SORCS1: variants seen among roughly 807,000 people sequenced by gnomAD.
SORCS1 encodes the protein sortilin related VPS10 domain containing receptor 1.
In SORCS1, 60 loss-of-function variants were observed where a neutral mutation model predicts 146.1. The ratio of observed to expected loss-of-function variants is 0.41; its 90% CI spans 0.33 to 0.51. The LOEUF (loss-of-function observed/expected upper bound fraction) is 0.51. SORCS1 is among the 20% of genes least tolerant of loss of function. The probability of loss-of-function intolerance (pLI) is 0.21; values close to 1 mark genes in which losing one functional copy is unlikely to be tolerated. For missense variants in SORCS1, 1,352 were observed against 1,487.6 expected (o/e 0.91, Z 1.50); for synonymous variants, 637 against 584.0 (o/e 1.09, Z -1.31).
intron 23 of SORCS1, among the ~76,000 whole-genome samples, chr10:106,598,600 A>C (rs2133325117): frequency 6.6e-6 from 1 of 152,156 alleles, no homozygotes; most frequent in Non-Finnish European, 1.5e-5. Context: ...CCTTATTTTT[A>C]ATATTCTAAT....
intron 1 of SORCS1, among the ~76,000 whole-genome samples, chr10:107,117,252 C>A (rs1275652502): frequency 6.6e-6 from 1 of 152,154 alleles, no homozygotes; most frequent in Non-Finnish European, 1.5e-5. Context: ...AGAAAAGAAA[C>A]AAAAAGTAAT....
intron 4 of SORCS1, among the ~76,000 whole-genome samples, chr10:106,762,409 T>TC (rs1331592566): frequency 4.2e-5 from 6 of 144,360 alleles, no homozygotes; most frequent in Admixed American, 6.9e-5. Context: ...TTTTTTTTTT[T>TC]TGAGACAGAG....
At chr10:106,799,102 C>T (rs964553068) in intron 3 of SORCS1, among the ~76,000 whole-genome samples, 3 of 152,162 alleles carry the variant, frequency 2.0e-5, no homozygotes, top group Non-Finnish European at 4.4e-5. Flanking sequence ...TGATCTTTGA[C>T]AAACCTGACA....
chr10:107,038,014 A>G (rs1433447542), intron 1 of SORCS1, among the ~76,000 whole-genome samples: 1 of 151,946 alleles, frequency 6.6e-6, no homozygotes, highest in African/African-American at 2.4e-5. Context: ...TTTAGTAGAG[A>G]CAGGGTTTCA....
intron 1 of SORCS1, among the ~76,000 whole-genome samples, chr10:107,092,893 A>AC (rs1402934852): frequency 1.2e-3 from 184 of 151,598 alleles, no homozygotes; most frequent in African/African-American, 4.1e-3. Flanking sequence ...GAAAAAAAAA[A>AC]AAAAAAAAAA....
chr10:107,171,194 C>A, the SORCS1 span, among the ~76,000 whole-genome samples: 2 of 152,112 alleles, frequency 1.3e-5, no homozygotes, highest in East Asian at 3.9e-4. Context: ...TTTTAAAAAT[C>A]AACTTATTTC....
chr10:106,814,085 TACTG>T (rs1352486399), intron 3 of SORCS1, among the ~76,000 whole-genome samples: 1 of 152,226 alleles, frequency 6.6e-6, no homozygotes, highest in African/African-American at 2.4e-5. Flanking sequence ...TAGAAACCAG[TACTG>T]AGACCTGGAC....
intron 1 of SORCS1, among the ~76,000 whole-genome samples, chr10:107,145,794 G>A (rs1043668072): frequency 3.3e-5 from 5 of 152,148 alleles, no homozygotes; most frequent in Admixed American, 2.0e-4. Context: ...TGATTTGGGA[G>A]AAAAGAGGAC....
At chr10:107,154,481 A>G (rs1470599388) in intron 1 of SORCS1, among the ~76,000 whole-genome samples, 2 of 152,194 alleles carry the variant, frequency 1.3e-5, no homozygotes, top group Non-Finnish European at 2.9e-5. Context: ...ATTATTCTAC[A>G]ACACACAGGT....
intron 3 of SORCS1, among the ~76,000 whole-genome samples, chr10:106,785,614 G>A (rs1946020274): frequency 6.6e-6 from 1 of 152,156 alleles, no homozygotes; most frequent in Non-Finnish European, 1.5e-5. Flanking sequence ...ATGATAAACT[G>A]GCAAATATAC....
chr10:106,579,242 C>T (rs751859507), intron 25 of SORCS1, 127 bp downstream of exon 25: 42 of 1,613,912 alleles, frequency 2.6e-5, no homozygotes, highest in East Asian at 6.7e-5. Context: ...CATTAATCCC[C>T]GGGATCTTCC....
chr10:106,836,579 C>G (rs1475850354), intron 2 of SORCS1, among the ~76,000 whole-genome samples: 2 of 151,402 alleles, frequency 1.3e-5, no homozygotes, highest in African/African-American at 4.8e-5. Flanking sequence ...CGGGAGAAAT[C>G]TGCAGTTAAG....
chr10:107,016,999 G>A (rs1957924870), intron 1 of SORCS1, among the ~76,000 whole-genome samples: 1 of 152,144 alleles, frequency 6.6e-6, no homozygotes, highest in Non-Finnish European at 1.5e-5. Flanking sequence ...AGAATAGAAA[G>A]ACATGAAAAT....
chr10:106,673,427 G>A (rs1190228895), intron 14 of SORCS1, among the ~76,000 whole-genome samples: 2 of 152,092 alleles, frequency 1.3e-5, no homozygotes, highest in African/African-American at 2.4e-5. Context: ...ACCGCACTTG[G>A]CCGAGGAGGG....
intron 5 of SORCS1, among the ~76,000 whole-genome samples, chr10:106,748,858 C>T (rs992840422): frequency 6.6e-6 from 1 of 152,146 alleles, no homozygotes; most frequent in African/African-American, 2.4e-5. Flanking sequence ...TCCTACATCT[C>T]AGCATTTTGC....
intron 19 of SORCS1, among the ~76,000 whole-genome samples, chr10:106,625,017 G>A (rs925174734): frequency 2.0e-5 from 3 of 152,314 alleles, no homozygotes; most frequent in East Asian, 1.9e-4. Flanking sequence ...CATCAGACAG[G>A]TGCCTGCAAT....
chr10:106,739,660 T>A lies in SORCS1; in HGVS notation c.960-9546A>T, dbSNP rs149388392. Among the ~76,000 whole-genome samples the A allele has an allele frequency of 6.6e-3, 989 of 150,452 alleles. 12 individuals are homozygous for A. The highest frequency in any genetic ancestry group is 0.027 in the East Asian group (135 of 5,094). ...GTCTCTACTAAAAATACAAAAAAAA[T>A]ATATATATATAGCTGGGTGTGGTGG... On this transcript the variant is annotated intron_variant, in intron 5 of 25. Transcript: ENST00000263054.
At position 106,856,596 on chromosome 10, in the gene SORCS1, C is replaced by T. The variant is rs558496453; in HGVS notation, c.627-26923G>A. Among the ~76,000 whole-genome samples the T allele has an allele frequency of 5.5e-4, 83 of 152,290 alleles. No individual in the cohort carries two copies. The South Asian group carries it at 0.017, about 31-fold the overall frequency. ...GCTCTGGCGTATTTCAAAATGGTTA[C>T]TTTTGCCCTCTCCCTGCTGGAAGTA... On this transcript the variant is annotated intron_variant, in intron 2 of 25. Coordinates refer to ENST00000263054, the MANE Select transcript of SORCS1 (RefSeq NM_052918.5).
At chr10:106,751,182 A>G (rs1297174300) in intron 5 of SORCS1, among the ~76,000 whole-genome samples, 3 of 151,956 alleles carry the variant, frequency 2.0e-5, no homozygotes, top group Admixed American at 6.6e-5. Flanking sequence ...CACGCCTCTC[A>G]AGGTAATAAA....
Sources: gnomAD v4.1 joint callset for allele counts (sites outside exome capture counted in the v4.1 genomes callset) on GRCh38, gnomAD v4.1.1 for gene constraint, MANE v1.5 for transcripts, NCBI Gene and HGNC (gene_info 2026-07-23, HGNC 2026-07-21) for gene names.